The following ABLIM1 variants were observed in gnomAD, a reference collection of about 807,000 sequenced individuals.
The protein encoded by ABLIM1 is actin-binding LIM protein 1.
A neutral mutation model predicts 107.0 loss-of-function variants in ABLIM1; 40 were observed. The observed-to-expected ratio is 0.37, with a 90% CI of 0.29 to 0.49. ABLIM1 has a LOEUF of 0.49. ABLIM1 is among the 20% of genes least tolerant of loss of function. ABLIM1 has a pLI of 0.97. For missense variants in ABLIM1, 857 were observed against 1,008.5 expected, an observed-to-expected ratio of 0.85 and a Z score of 2.04; for synonymous variants, 357 against 357.3, an observed-to-expected ratio of 1.00 and a Z score of 0.01.
chr10:114,575,475 T>C lies in ABLIM1; in HGVS notation c.504A>G (p.Glu168=), dbSNP rs750877388. 6.8e-6 allele frequency: 11 copies of C among 1,614,082 alleles called. No individual in the cohort carries two copies. The change falls in exon 3 of 23, where the codon GAA becomes GAG. Residue 168 remains glutamate (E), a synonymous_variant. Coordinates refer to ENST00000533213, the MANE Select transcript of ABLIM1 (RefSeq NM_002313.7). ...CHGCGEFVEG[E]VVTALGKTYH... The stretch of plus-strand genomic sequence containing the variant: ...AGGTCTTGCCCAGAGCAGTCACCAC[T>C]TCGCCCTCCACGAACTCCCCACAGC...
chr10:114,773,653 C>T, the ABLIM1 span, among the ~76,000 whole-genome samples: 16 of 152,014 alleles, frequency 1.1e-4, no homozygotes, highest in African/African-American at 3.4e-4. Context: ...ACTCAGAAGG[C>T]GGAGGATGCA....
chr10:114,674,990 C>T (rs557621009), intron 1 of ABLIM1, among the ~76,000 whole-genome samples: 1 of 152,228 alleles, frequency 6.6e-6, no homozygotes, highest in African/African-American at 2.4e-5. Context: ...CGGCTCTTTC[C>T]ATGGCCATCA....
intron 1 of ABLIM1, among the ~76,000 whole-genome samples, chr10:114,704,317 T>C (rs2081372331): frequency 1.3e-5 from 1 of 79,098 alleles, no homozygotes; most frequent in East Asian, 2.9e-4. Flanking sequence ...TATATATATA[T>C]ATATATATAT....
intron 12 of ABLIM1, among the ~76,000 whole-genome samples, chr10:114,464,898 T>A (rs2064818722): frequency 6.6e-6 from 1 of 152,208 alleles, no homozygotes; most frequent in African/African-American, 2.4e-5. Context: ...GAGGCCAGAA[T>A]CTTCCTTGTG....
intron 1 of ABLIM1, among the ~76,000 whole-genome samples, chr10:114,675,690 G>C (rs2080450917): frequency 6.6e-6 from 1 of 152,194 alleles, no homozygotes; most frequent in African/African-American, 2.4e-5. Context: ...AGATGTACTA[G>C]TTTTCTGGGG....
intron 1 of ABLIM1, among the ~76,000 whole-genome samples, chr10:114,725,742 T>C (rs2081945363): frequency 7.5e-6 from 1 of 133,436 alleles, no homozygotes; most frequent in Non-Finnish European, 1.6e-5. Context: ...AAAATGTGTG[T>C]GTGTGTGTGT....
At chr10:114,697,572 A>G (rs1448253951) in intron 1 of ABLIM1, among the ~76,000 whole-genome samples, 1 of 152,256 alleles carries the variant, frequency 6.6e-6, no homozygotes, top group Non-Finnish European at 1.5e-5. Flanking sequence ...CACTTCACAC[A>G]GGGTGTGTGC....
At chr10:114,440,221 ACT>A (rs2059993858) in intron 19 of ABLIM1, 132 bp from the exon 20 acceptor site, 1 of 909,492 alleles carries the variant, frequency 1.1e-6, no homozygotes, top group Admixed American at 2.0e-5. Context: ...CTGCTCCCAG[ACT>A]CTGCACATGT....
At chr10:114,724,281 TCAGTTTCTC>T (rs1173740791) in intron 1 of ABLIM1, among the ~76,000 whole-genome samples, 2 of 152,174 alleles carry the variant, frequency 1.3e-5, no homozygotes, top group Admixed American at 1.3e-4. Context: ...TTGGGGGGCC[TCAGTTTCTC>T]CATCTGTGAA....
chr10:114,749,058 A>T (rs1222273829), intron 1 of ABLIM1, among the ~76,000 whole-genome samples: 1 of 152,216 alleles, frequency 6.6e-6, no homozygotes, highest in Non-Finnish European at 1.5e-5. Context: ...ACGTGCTAGA[A>T]TTAAGAATGC....
At chr10:114,687,218 T>C (rs984355909), upstream of ABLIM1, among the ~76,000 whole-genome samples, 4 of 152,194 alleles carry the variant, frequency 2.6e-5, no homozygotes, top group African/African-American at 7.2e-5. Flanking sequence ...AACTAAGAGA[T>C]AAATAAGATA....
intron 6 of ABLIM1, among the ~76,000 whole-genome samples, chr10:114,523,552 T>G (rs2064115151): frequency 6.6e-6 from 1 of 152,190 alleles, no homozygotes; most frequent in African/African-American, 2.4e-5. Flanking sequence ...GTGGGGTTTA[T>G]AATAAGAGCA....
chr10:114,586,086 C>T (rs1038330570), intron 2 of ABLIM1, among the ~76,000 whole-genome samples: 3 of 152,204 alleles, frequency 2.0e-5, no homozygotes, highest in African/African-American at 7.2e-5. Flanking sequence ...GGCATTTCTG[C>T]ATGACTTTAA....
rs559904625 is a variant in ABLIM1 at position 114,627,691 on chromosome 10, G to T, written c.245-25730C>A. Among the ~76,000 whole-genome samples, 110 of 152,278 alleles carry T rather than the reference G, an allele frequency of 7.2e-4. 1 individual carries two copies. The highest frequency in any genetic ancestry group is 4.4e-3 in the South Asian group (21 of 4,820). ...ATTTTCAACAACTGAAATGAGCTGG[G>T]AAATAAGGCCCATAAATAAGGAGGA... On this transcript the variant is annotated intron_variant, in intron 1 of 22. Coordinates refer to ENST00000533213, the MANE Select transcript of ABLIM1 (RefSeq NM_002313.7).
chr10:114,644,384 G>A (rs1285867911), intron 1 of ABLIM1, among the ~76,000 whole-genome samples: 2 of 134,026 alleles, frequency 1.5e-5, no homozygotes, highest in African/African-American at 5.9e-5. Context: ...TGGTTCTAAG[G>A]ATAATCACAT....
intron 1 of ABLIM1, among the ~76,000 whole-genome samples, chr10:114,670,908 AT>A (rs1207086620): frequency 6.6e-6 from 1 of 152,192 alleles, no homozygotes; most frequent in East Asian, 1.9e-4. Flanking sequence ...CTATTGTAAT[AT>A]TTTTAACGTT....
chr10:114,595,971 C>A (rs1316415256), intron 2 of ABLIM1, among the ~76,000 whole-genome samples: 2 of 152,114 alleles, frequency 1.3e-5, no homozygotes, highest in African/African-American at 4.8e-5. Context: ...CTCAATATAC[C>A]CCAAACTGAA....
intron 13 of ABLIM1, among the ~76,000 whole-genome samples, chr10:114,452,265 T>C (rs1463794645): frequency 6.6e-6 from 1 of 152,062 alleles, no homozygotes; most frequent in Non-Finnish European, 1.5e-5. Context: ...AGAAAAGAGA[T>C]GCTAAACACT....
At chr10:114,735,608 T>C (rs974649944) in intron 1 of ABLIM1, among the ~76,000 whole-genome samples, 2 of 152,344 alleles carry the variant, frequency 1.3e-5, no homozygotes, top group Non-Finnish European at 2.9e-5. Flanking sequence ...TAGCTGGGAC[T>C]ACAGGCACAC....
Sources: allele counts gnomAD v4.1 joint callset (sites outside exome capture counted in the v4.1 genomes callset), GRCh38; gene constraint gnomAD v4.1.1; transcripts MANE v1.5; gene names NCBI Gene and HGNC (gene_info 2026-07-23, HGNC 2026-07-21).